The following OSBPL9 variants were observed in gnomAD, a reference collection of about 807,000 sequenced individuals.
OSBPL9 encodes the protein oxysterol-binding protein-related protein 9.
Under a neutral mutation model 106.6 loss-of-function variants are expected in OSBPL9, and 40 were observed. The observed-to-expected ratio is 0.38, with a 90% CI of 0.29 to 0.49. The LOEUF (loss-of-function observed/expected upper bound fraction) is 0.49, where lower values mean the gene tolerates loss of function less well. OSBPL9 is among the 20% of genes least tolerant of loss of function. The probability of loss-of-function intolerance (pLI) is 0.97; values close to 1 mark genes in which losing one functional copy is unlikely to be tolerated. For missense variants in OSBPL9, 609 were observed against 887.2 expected, an observed-to-expected ratio of 0.69 and a Z score of 3.98; for synonymous variants, 269 against 295.4, an observed-to-expected ratio of 0.91 and a Z score of 0.92.
chr1:51,550,618 T>C, the OSBPL9 span, among the ~76,000 whole-genome samples: 5 of 152,334 alleles, frequency 3.3e-5, no homozygotes, highest in East Asian at 1.9e-4. Context: ...GTTCAAGCAA[T>C]GCTCCTGCCT....
At chr1:51,701,179 A>T (rs1238298774) in intron 3 of OSBPL9, among the ~76,000 whole-genome samples, 6 of 152,146 alleles carry the variant, frequency 3.9e-5, no homozygotes. Context: ...ACCTCAGGTG[A>T]TCCACCCGCC....
intron 18 of OSBPL9, 64 bp from the exon 19 acceptor site, chr1:51,784,200 C>T (rs77197906): frequency 2.0e-6 from 3 of 1,535,732 alleles, no homozygotes; most frequent in Non-Finnish European, 2.7e-6. Context: ...ACCATCAGCT[C>T]GACAAGAAAG....
At chr1:51,697,343 C>G (rs943476380) in intron 3 of OSBPL9, among the ~76,000 whole-genome samples, 6 of 151,696 alleles carry the variant, frequency 4.0e-5, no homozygotes, top group Non-Finnish European at 7.4e-5. Context: ...GGCTCAGTAG[C>G]TACCTGAGCA....
At chr1:51,556,816 C>CAT in the OSBPL9 span, among the ~76,000 whole-genome samples, 3 of 147,934 alleles carry the variant, frequency 2.0e-5, no homozygotes, top group Non-Finnish European at 4.5e-5. Context: ...TATATATACA[C>CAT]ATATATATGT....
the OSBPL9 span, among the ~76,000 whole-genome samples, chr1:51,552,695 G>C: frequency 6.6e-6 from 1 of 152,006 alleles, no homozygotes; most frequent in East Asian, 1.9e-4. Context: ...TCCAATCTCA[G>C]CTCACTGCAA....
At chr1:51,634,083 A>T (rs140491706) in intron 1 of OSBPL9, among the ~76,000 whole-genome samples, 6 of 152,362 alleles carry the variant, frequency 3.9e-5, no homozygotes, top group African/African-American at 1.4e-4. Context: ...TCATGGGTCT[A>T]GCTGTTGTTC....
At chr1:51,597,455 G>A (rs927004225) in intron 1 of OSBPL9, among the ~76,000 whole-genome samples, 7 of 141,654 alleles carry the variant, frequency 4.9e-5, no homozygotes, top group African/African-American at 1.9e-4. Flanking sequence ...GTGTGTGTGT[G>A]TGTGTATATA....
chr1:51,772,568 A>G, intron 13 of OSBPL9, 37 bp from the exon 14 acceptor site: 1 of 1,509,150 alleles, frequency 6.6e-7, no homozygotes, highest in Non-Finnish European at 9.2e-7. Context: ...GATTGGCCCA[A>G]TTTAGCACCA....
chr1:51,701,752 T>C (rs1369365911), intron 3 of OSBPL9, among the ~76,000 whole-genome samples: 1 of 152,120 alleles, frequency 6.6e-6, no homozygotes, highest in African/African-American at 2.4e-5. Flanking sequence ...ACCCATTAAC[T>C]CATCATTTAA....
rs147105868 is a variant in OSBPL9, at chr1:51,683,249, C to T, written c.241+13737C>T. On this transcript the variant is annotated intron_variant, in intron 3 of 23. Coordinates refer to ENST00000428468, the MANE Select transcript of OSBPL9 (RefSeq NM_024586.6). The stretch of plus-strand genomic sequence containing the variant: ...AGGCTGGAGTGCAATGGTGCGATCT[C>T]GGCTCACCGCAACCTCCATCTCCCG... Among the ~76,000 whole-genome samples the T allele has an allele frequency of 2.3e-3, 348 of 151,960 alleles. 3 individuals are homozygous for T. Among genetic ancestry groups the T allele is most frequent in the African/African-American group, 8.2e-3 (340 of 41,462 alleles).
At chr1:51,590,314 C>T (rs1158978134) in intron 1 of OSBPL9, among the ~76,000 whole-genome samples, 2 of 150,874 alleles carry the variant, frequency 1.3e-5, no homozygotes, top group East Asian at 1.9e-4. Flanking sequence ...GGTAGCAATA[C>T]AGGAGGTAAA....
chr1:51,592,137 C>T (rs142175482), intron 1 of OSBPL9, among the ~76,000 whole-genome samples: 1,207 of 98,552 alleles, frequency 0.012, 22 homozygotes, highest in African/African-American at 0.045. Context: ...TTTTTTGAGA[C>T]GGAGTCTCGC....
At chr1:51,779,426 AAG>A (rs1272013483) in intron 15 of OSBPL9, among the ~76,000 whole-genome samples, 4 of 152,242 alleles carry the variant, frequency 2.6e-5, no homozygotes, top group African/African-American at 9.7e-5. Flanking sequence ...ACTTAAATCT[AAG>A]ACCTAAAATC....
At chr1:51,547,952 T>C in the OSBPL9 span, among the ~76,000 whole-genome samples, 20 of 151,742 alleles carry the variant, frequency 1.3e-4, no homozygotes, top group African/African-American at 4.6e-4. Context: ...ATTAATTAAA[T>C]CCTCAAAACT....
chr1:51,700,608 C>A (rs892311152), intron 3 of OSBPL9, among the ~76,000 whole-genome samples: 6 of 152,040 alleles, frequency 3.9e-5, no homozygotes, highest in Non-Finnish European at 8.8e-5. Context: ...GGCAAGAATA[C>A]CACAAACATG....
At chr1:51,757,865 G>A (rs1670668280) in intron 9 of OSBPL9, among the ~76,000 whole-genome samples, 1 of 152,094 alleles carries the variant, frequency 6.6e-6, no homozygotes, top group Non-Finnish European at 1.5e-5. Flanking sequence ...GAAGTTTGTT[G>A]TAAGGTACAG....
At position 51,673,568 on chromosome 1, in the gene OSBPL9, A is replaced by G. The variant is rs77077999; in HGVS notation, c.241+4056A>G. 7.9e-3 allele frequency among the ~76,000 whole-genome samples: 1,198 copies of G among 152,360 alleles called. 6 individuals carry two copies. The highest frequency in any genetic ancestry group is 0.012 in the Non-Finnish European group (841 of 68,036). On this transcript the variant is annotated intron_variant, in intron 3 of 23. Coordinates refer to ENST00000428468, the MANE Select transcript of OSBPL9 (RefSeq NM_024586.6). ...AGCAAGAGAGAATGGGATCTAACAC[A>G]CAGGTGGGAGCAGTGTCTTTGGCTT...
At chr1:51,519,454 A>T in the OSBPL9 span, 1 of 173,186 alleles carries the variant, frequency 5.8e-6, no homozygotes, top group Non-Finnish European at 1.2e-5. Flanking sequence ...CTGGCGCCGG[A>T]GTCTCGGCCA....
rs1208601837 is a variant in OSBPL9, at chr1:51,678,010, C to CA, written c.241+8510dup. On this transcript the variant is annotated intron_variant, in intron 3 of 23. Coordinates refer to ENST00000428468, the MANE Select transcript of OSBPL9 (RefSeq NM_024586.6). ...GCAATATAGTGAGGTCCTGTCTCTA[C>CA]AAAAAAAAAAAATGAAAAAACTCCC... 7.1e-3 allele frequency among the ~76,000 whole-genome samples: 918 copies of CA among 129,122 alleles called. 6 individuals are homozygous for CA. Among genetic ancestry groups the CA allele is most frequent in the African/African-American group, 0.013 (446 of 35,148 alleles). 84.7% of individuals were successfully genotyped at this position (129,122 alleles called of 152,430 possible).
Sources: allele counts gnomAD v4.1 joint callset (sites outside exome capture counted in the v4.1 genomes callset), GRCh38; gene constraint gnomAD v4.1.1; transcripts MANE v1.5; gene names NCBI Gene and HGNC (gene_info 2026-07-23, HGNC 2026-07-21).